KCNB2: variants seen among roughly 807,000 people sequenced by gnomAD.
KCNB2 encodes potassium voltage-gated channel subfamily B member 2.
In KCNB2, 15 loss-of-function variants were observed where a neutral mutation model predicts 61.5. The observed-to-expected ratio is 0.24, with a 90% CI of 0.16 to 0.38. The LOEUF (loss-of-function observed/expected upper bound fraction) is 0.38. Among genes scored for constraint, KCNB2 ranks in the 10% least tolerant of loss-of-function variants. The pLI is 1.00. For synonymous variants in KCNB2, 457 were observed against 446.0 expected (o/e 1.02, Z -0.31); for missense variants, 828 against 1,125.2 (o/e 0.74, Z 3.78).
chr8:72,582,301 A>G (rs1238313147), intron 2 of KCNB2, among the ~76,000 whole-genome samples: 1 of 152,206 alleles, frequency 6.6e-6, no homozygotes, highest in Non-Finnish European at 1.5e-5. Flanking sequence ...TCAGGGCTTT[A>G]AGGAACTAAA....
chr8:72,827,102 A>G (rs1809607647), intron 2 of KCNB2, among the ~76,000 whole-genome samples: 1 of 152,168 alleles, frequency 6.6e-6, no homozygotes. Context: ...ATTTATGTTT[A>G]GTTTTAGAAT....
intron 2 of KCNB2, among the ~76,000 whole-genome samples, chr8:72,798,283 C>A (rs2128999283): frequency 6.6e-6 from 1 of 152,324 alleles, no homozygotes; most frequent in South Asian, 2.1e-4. Flanking sequence ...TCCCAAATCT[C>A]TGCATCTCAA....
Position 72,621,247 on chromosome 8 carries a change from C to A in KCNB2, c.579+52934C>A, listed in dbSNP as rs151071212. Among the ~76,000 whole-genome samples, 712 of 152,280 alleles carry A rather than the reference C, an allele frequency of 4.7e-3. 5 individuals are homozygous for A. Among genetic ancestry groups the A allele is most frequent in the Non-Finnish European group, 6.7e-3 (456 of 68,016 alleles). Reference sequence around the variant, plus strand: ...CTCAATCCCAACGTGTCAGTAACGACCTCCCATACATACCAAGAAGCTTCT... The same window carrying A: ...CTCAATCCCAACGTGTCAGTAACGAACTCCCATACATACCAAGAAGCTTCT... On this transcript the variant is annotated intron_variant, in intron 2 of 2. Transcript: ENST00000523207.
At chr8:72,823,754 C>T (rs1179568837) in intron 2 of KCNB2, among the ~76,000 whole-genome samples, 2 of 152,126 alleles carry the variant, frequency 1.3e-5, no homozygotes, top group Admixed American at 6.5e-5. Context: ...ATGAAAAAGC[C>T]GAGGCTCGAA....
chr8:72,782,842 C>T (rs1808784965), intron 2 of KCNB2, among the ~76,000 whole-genome samples: 1 of 152,028 alleles, frequency 6.6e-6, no homozygotes, highest in Admixed American at 6.6e-5. Context: ...GTTTTTCTCC[C>T]TCTGGGCCTT....
chr8:72,931,505 G>A lies in KCNB2; in HGVS notation c.580-4430G>A, dbSNP rs181722696. On this transcript the variant is annotated intron_variant, in intron 2 of 2. Transcript: ENST00000523207. ...GTGGTTTGTAGTTCTCCTTGAAGACGTCCTTCACATCCCTTGTAAGTTGGA... is the reference window on the plus strand; with the variant it reads ...GTGGTTTGTAGTTCTCCTTGAAGACATCCTTCACATCCCTTGTAAGTTGGA... Among the ~76,000 whole-genome samples the A allele has an allele frequency of 8.7e-4, 133 of 152,190 alleles. 1 individual carries two copies. Among genetic ancestry groups the A allele is most frequent in the Non-Finnish European group, 1.2e-3 (82 of 68,004 alleles).
At chr8:72,817,950 A>G (rs1269862099) in intron 2 of KCNB2, among the ~76,000 whole-genome samples, 1 of 152,308 alleles carries the variant, frequency 6.6e-6, no homozygotes, top group African/African-American at 2.4e-5. Flanking sequence ...ATCTTCATGG[A>G]TGTCTGTCAT....
At chr8:72,787,602 G>A (rs764825657) in intron 2 of KCNB2, among the ~76,000 whole-genome samples, 9 of 151,878 alleles carry the variant, frequency 5.9e-5, no homozygotes, top group Non-Finnish European at 1.0e-4. Flanking sequence ...GGGTCTTTAA[G>A]GACTCTTTTC....
At chr8:72,733,438 G>T (rs1807784262) in intron 2 of KCNB2, among the ~76,000 whole-genome samples, 1 of 152,072 alleles carries the variant, frequency 6.6e-6, no homozygotes, top group Admixed American at 6.6e-5. Context: ...TAGCATAATG[G>T]GTGAAAGCAT....
chr8:72,637,135 A>G lies in KCNB2; in HGVS notation c.579+68822A>G, dbSNP rs527689866. On this transcript the variant is annotated intron_variant, in intron 2 of 2. Coordinates refer to ENST00000523207, the MANE Select transcript of KCNB2 (RefSeq NM_004770.3). The stretch of plus-strand genomic sequence containing the variant: ...TTGGAGGCTAAAGCCCCCCTGCCAC[A>G]TCACAGTCTTACGCCTCTGACTCAG... 2.0e-5 allele frequency among the ~76,000 whole-genome samples: 3 copies of G among 152,276 alleles called. No homozygotes were observed. The South Asian group carries it at 6.2e-4, about 32-fold the overall frequency.
chr8:72,547,302 C>G (rs1806273489), intron 1 of KCNB2, among the ~76,000 whole-genome samples: 1 of 152,216 alleles, frequency 6.6e-6, no homozygotes, highest in African/African-American at 2.4e-5. Flanking sequence ...AGTATCCACT[C>G]TGCAGCTCAT....
Position 72,814,750 on chromosome 8 carries a change from C to G in KCNB2, c.580-121185C>G, listed in dbSNP as rs188614960. ...TGAGGACTTGCCCTTTTAAATGTTT[C>G]CATTCTAATATTGCTACTTTATTCT... On this transcript the variant is annotated intron_variant, in intron 2 of 2. Transcript: ENST00000523207. Among the ~76,000 whole-genome samples, 5 of 152,244 alleles carry G rather than the reference C, an allele frequency of 3.3e-5. No individual in the cohort carries two copies. In the East Asian group the frequency reaches 9.7e-4, roughly 29 times the overall value.
At chr8:72,704,219 G>T (rs1807180282) in intron 2 of KCNB2, among the ~76,000 whole-genome samples, 1 of 152,108 alleles carries the variant, frequency 6.6e-6, no homozygotes, top group South Asian at 2.1e-4. Context: ...AGGTTGTAGG[G>T]CACTACCAAA....
At chr8:72,637,272 CTT>C (rs1312860356) in intron 2 of KCNB2, among the ~76,000 whole-genome samples, 1 of 152,168 alleles carries the variant, frequency 6.6e-6, no homozygotes, top group Non-Finnish European at 1.5e-5. Context: ...CAGTTCTACT[CTT>C]AAAAAACCTG....
At chr8:72,894,415 C>T (rs926030804) in intron 2 of KCNB2, among the ~76,000 whole-genome samples, 2 of 152,038 alleles carry the variant, frequency 1.3e-5, no homozygotes, top group Non-Finnish European at 1.5e-5. Flanking sequence ...AGAGGAAGCC[C>T]TTGGAGGGTT....
chr8:72,695,989 G>T (rs1475366409), intron 2 of KCNB2, among the ~76,000 whole-genome samples: 2 of 152,172 alleles, frequency 1.3e-5, no homozygotes, highest in South Asian at 2.1e-4. Flanking sequence ...AGGGTCCTCG[G>T]CTGTAGCCCA....
rs532953517 is a variant in KCNB2 at position 72,903,452 on chromosome 8, A to G, written c.580-32483A>G. On this transcript the variant is annotated intron_variant, in intron 2 of 2. Transcript: ENST00000523207. Reference sequence around the variant, plus strand: ...TTCAACTGGCTGGACATGATGGTGCATGCCTGTAGTTCTAGCTACTGGAGA... The same window carrying G: ...TTCAACTGGCTGGACATGATGGTGCGTGCCTGTAGTTCTAGCTACTGGAGA... 8.3e-4 allele frequency among the ~76,000 whole-genome samples: 126 copies of G among 152,280 alleles called. 1 individual carries two copies. Among genetic ancestry groups the G allele is most frequent in the Admixed American group, 2.6e-3 (39 of 15,294 alleles).
At chr8:72,738,199 A>G (rs1188361255) in intron 2 of KCNB2, among the ~76,000 whole-genome samples, 3 of 152,126 alleles carry the variant, frequency 2.0e-5, no homozygotes, top group African/African-American at 4.8e-5. Context: ...ATGTCCACCA[A>G]CTTCTCAGAG....
chr8:72,626,914 T>C (rs1057079284), intron 2 of KCNB2, among the ~76,000 whole-genome samples: 3 of 152,178 alleles, frequency 2.0e-5, no homozygotes, highest in African/African-American at 2.4e-5. Context: ...AGGCAAGATA[T>C]CGACATGCAT....
Sources: gnomAD v4.1 joint callset for allele counts (sites outside exome capture counted in the v4.1 genomes callset) on GRCh38, gnomAD v4.1.1 for gene constraint, MANE v1.5 for transcripts, NCBI Gene and HGNC (gene_info 2026-07-23, HGNC 2026-07-21) for gene names.